The following VCL variants were observed in gnomAD, a reference collection of about 807,000 sequenced individuals.
The protein encoded by VCL is vinculin.
Under a neutral mutation model 125.7 loss-of-function variants are expected in VCL, and 47 were observed. The observed-to-expected ratio is 0.37, with a 90% CI of 0.30 to 0.48. The LOEUF is 0.48. Ranked by LOEUF, VCL falls within the 20% of genes least tolerant of loss-of-function variation. VCL has a pLI of 0.99. For missense variants in VCL, 1,069 were observed against 1,455.5 expected (o/e 0.73, Z 4.32); for synonymous variants, 458 against 514.6 (o/e 0.89, Z 1.49).
chr10:74,045,265 G>GGATAGATAGATAGATA (rs35058961), intron 2 of VCL, among the ~76,000 whole-genome samples: 18 of 147,128 alleles, frequency 1.2e-4, no homozygotes, highest in Admixed American at 4.1e-4. Context: ...ACAGAGAGAC[G>GGATAGATAGATAGATA]GATAGATAGA....
At position 74,072,894 on chromosome 10, in the gene VCL, T is replaced by C. The variant is rs774099068; in HGVS notation, c.622+42T>C. ...CTTTATTTTATAGGGGGGAAAAATGTTAGCATGTTCTAAACTCTGAGGTTC... is the reference window on the plus strand; with the variant it reads ...CTTTATTTTATAGGGGGGAAAAATGCTAGCATGTTCTAAACTCTGAGGTTC... On this transcript the variant is annotated intron_variant, in intron 5 of 21. Transcript: ENST00000211998. The C allele has an allele frequency of 2.5e-6, 4 of 1,613,658 alleles. No individual in the cohort carries two copies. The South Asian group carries it at 3.3e-5, about 13-fold the overall frequency.
At chr10:74,037,625 C>G (rs775338228) in intron 1 of VCL, among the ~76,000 whole-genome samples, 2 of 152,194 alleles carry the variant, frequency 1.3e-5, no homozygotes, top group Non-Finnish European at 2.9e-5. Context: ...TGAAGCCACA[C>G]CAGCGTGTCT....
At chr10:74,030,885 CA>C (rs1027622761) in intron 1 of VCL, among the ~76,000 whole-genome samples, 2 of 152,070 alleles carry the variant, frequency 1.3e-5, no homozygotes, top group African/African-American at 2.4e-5. Context: ...ATTTTTCACA[CA>C]AAAAAATTGC....
intron 2 of VCL, among the ~76,000 whole-genome samples, chr10:74,045,265 G>GGATA (rs35058961): frequency 0.42 from 62,110 of 147,016 alleles, 13,286 homozygotes; most frequent in East Asian, 0.5. Context: ...ACAGAGAGAC[G>GGATA]GATAGATAGA....
In VCL at chr10:74,114,680, T is replaced by C. The variant is rs1016793056; in HGVS notation, c.3154-115T>C. The C allele has an allele frequency of 4.4e-6, 5 of 1,128,138 alleles. No individual in the cohort carries two copies. The South Asian group carries it at 6.7e-5, about 15-fold the overall frequency. The allele number at this position is 1,128,138 out of a possible 1,614,324, so 69.9% of individuals were successfully genotyped here. A position where few individuals can be genotyped will look rare whatever the true frequency, so the allele number is the denominator to read the frequency against. On this transcript the variant is annotated intron_variant, in intron 20 of 21. Transcript: ENST00000211998. ...CAAGTGGAATTCTGCTGCTTATTTA[T>C]CGAGTGCCTTTTCTGTGCCAGCCAC...
intron 1 of VCL, among the ~76,000 whole-genome samples, chr10:74,008,875 C>T (rs554459584): frequency 9.0e-4 from 137 of 152,274 alleles, no homozygotes; most frequent in African/African-American, 3.0e-3. Context: ...GTTCTTGTTG[C>T]TCTCAGGCAG....
chr10:74,081,810 T>C (rs60612652), intron 6 of VCL, among the ~76,000 whole-genome samples: 9,569 of 152,200 alleles, frequency 0.063, 1,046 homozygotes, highest in African/African-American at 0.22. Context: ...AGGTGAGGGA[T>C]AGTAAGGGAA....
chr10:74,059,558 C>A (rs1169466384), intron 2 of VCL, among the ~76,000 whole-genome samples: 1 of 152,048 alleles, frequency 6.6e-6, no homozygotes, highest in African/African-American at 2.4e-5. Context: ...GCATGTGCCA[C>A]CACGCTTGGC....
intron 1 of VCL, among the ~76,000 whole-genome samples, chr10:74,003,101 C>T (rs1257720359): frequency 6.6e-6 from 1 of 151,706 alleles, no homozygotes; most frequent in Non-Finnish European, 1.5e-5. Context: ...GAGATAGAGT[C>T]TCACTGTGTA....
intron 2 of VCL, among the ~76,000 whole-genome samples, chr10:74,054,082 T>TA (rs1209786683): frequency 6.6e-6 from 1 of 152,182 alleles, no homozygotes; most frequent in Non-Finnish European, 1.5e-5. Context: ...AGTGAGTTTT[T>TA]ATGTGTGCTT....
intron 2 of VCL, among the ~76,000 whole-genome samples, chr10:74,066,592 G>A (rs1591684228): frequency 1.3e-5 from 2 of 151,786 alleles, no homozygotes; most frequent in African/African-American, 4.8e-5. Flanking sequence ...AACATTCAGA[G>A]TAATAATTAT....
chr10:74,040,450 A>C (rs1445693700), intron 1 of VCL, among the ~76,000 whole-genome samples: 3 of 152,142 alleles, frequency 2.0e-5, no homozygotes, highest in Non-Finnish European at 4.4e-5. Context: ...CACATATATA[A>C]AAGGAATCTC....
At position 74,103,780 on chromosome 10, in the gene VCL, A is replaced by G. The variant is rs758918011; in HGVS notation, c.2023-40A>G. ...GGCTGAAGGTTTGTATCTGGAGAGC[A>G]AGGGTGCTCTGGTGTTTAAAGGTGT... On this transcript the variant is annotated intron_variant, in intron 14 of 21. Transcript: ENST00000211998. The G allele has an allele frequency of 2.5e-6, 4 of 1,584,140 alleles. No homozygotes were observed. The South Asian group carries it at 4.4e-5, about 18-fold the overall frequency.
intron 9 of VCL, 85 bp from the exon 10 acceptor site, chr10:74,089,918 TACTGGTATATTACTTTTGAA>T: frequency 1.7e-6 from 2 of 1,207,410 alleles, no homozygotes; most frequent in South Asian, 2.5e-5. Flanking sequence ...TAAAAATGAT[TACTGGTATATTACTTTTGAA>T]ATCCTTCTTC....
Position 74,100,933 on chromosome 10 carries a change from T to C in VCL, c.1873-15T>C, listed in dbSNP as rs757815738. 6.2e-7 allele frequency: 1 copy of C among 1,613,900 alleles called. No individual in the cohort carries two copies. The highest frequency in any genetic ancestry group is 1.7e-5 in the Admixed American group (1 of 60,014). Reference sequence around the variant, plus strand: ...TATTGAAATAAATGTTCTTAATATCTGTTTTTTCCTCAAGGTATTTGATGA... The same window carrying C: ...TATTGAAATAAATGTTCTTAATATCCGTTTTTTCCTCAAGGTATTTGATGA... On this transcript the variant is annotated splice_polypyrimidine_tract_variant and intron_variant, in intron 13 of 21. Coordinates refer to ENST00000211998, the MANE Select transcript of VCL (RefSeq NM_014000.3).
intron 1 of VCL, among the ~76,000 whole-genome samples, chr10:74,036,191 C>CTGTTTT (rs934367948): frequency 2.0e-5 from 3 of 152,106 alleles, no homozygotes; most frequent in African/African-American, 7.2e-5. Flanking sequence ...GTTCTTTTCT[C>CTGTTTT]TGTTTTTGTT....
At chr10:74,060,060 G>A (rs1378307382) in intron 2 of VCL, among the ~76,000 whole-genome samples, 1 of 152,168 alleles carries the variant, frequency 6.6e-6, no homozygotes, top group Non-Finnish European at 1.5e-5. Context: ...TACTTAAGAG[G>A]CTGAGGTGGG....
chr10:74,035,256 C>CT (rs1170159869), intron 1 of VCL, among the ~76,000 whole-genome samples: 132 of 139,774 alleles, frequency 9.4e-4, no homozygotes, highest in East Asian at 5.1e-3. Context: ...TTTTTTCTTT[C>CT]TTTTTTTTTT....
At chr10:74,076,982 T>TA (rs1175785721) in intron 6 of VCL, 1 of 152,576 alleles carries the variant, frequency 6.6e-6, no homozygotes, top group Non-Finnish European at 1.5e-5. Context: ...CTTCTCTCAT[T>TA]AAAAAAATGT....
Sources: gnomAD v4.1 joint callset for allele counts (sites outside exome capture counted in the v4.1 genomes callset) on GRCh38, gnomAD v4.1.1 for gene constraint, MANE v1.5 for transcripts, NCBI Gene and HGNC (gene_info 2026-07-23, HGNC 2026-07-21) for gene names.